Variants in SYCP1 observed in about 807,000 individuals in gnomAD.
The protein encoded by SYCP1 is cancer/testis antigen 8.
Under a neutral mutation model 153.1 loss-of-function variants are expected in SYCP1, and 64 were observed. The ratio of observed to expected loss-of-function variants is 0.42; its 90% confidence interval spans 0.34 to 0.51. The LOEUF is 0.51. SYCP1 is among the 20% of genes least tolerant of loss of function. SYCP1 has a pLI of 0.06. For synonymous variants in SYCP1, 384 were observed against 341.8 expected (o/e 1.12, Z -1.36); for missense variants, 997 against 1,049.0 (o/e 0.95, Z 0.68).
intron 11 of SYCP1, 131 bp downstream of exon 11, chr1:114,876,941 T>C (rs991128703): frequency 2.1e-5 from 8 of 388,170 alleles, no homozygotes; most frequent in African/African-American, 1.5e-4. Flanking sequence ...ATTATACATA[T>C]ATTAATATTT....
At chr1:114,979,762 G>A (rs1458719561) in intron 28 of SYCP1, among the ~76,000 whole-genome samples, 1 of 151,790 alleles carries the variant, frequency 6.6e-6, no homozygotes, top group Non-Finnish European at 1.5e-5. Context: ...AAAGATATAA[G>A]CCATCTCATT....
intron 27 of SYCP1, among the ~76,000 whole-genome samples, chr1:114,957,671 T>C (rs1327980948): frequency 6.6e-6 from 1 of 152,160 alleles, no homozygotes; most frequent in Non-Finnish European, 1.5e-5. Flanking sequence ...GAAACAGGTA[T>C]ATGAAAACAT....
intron 30 of SYCP1, among the ~76,000 whole-genome samples, chr1:114,985,929 AT>A (rs1205883509): frequency 1.3e-5 from 2 of 151,936 alleles, no homozygotes; most frequent in African/African-American, 4.8e-5. Context: ...AAAAAAATAA[AT>A]AACAATTCAG....
intron 12 of SYCP1, among the ~76,000 whole-genome samples, chr1:114,881,514 T>TCCTTCCTTCCTTCCTC (rs1370546610): frequency 6.7e-6 from 1 of 150,350 alleles, no homozygotes; most frequent in Non-Finnish European, 1.5e-5. Context: ...CTTCCTTCCT[T>TCCTTCCTTCCTTCCTC]CCTTCCTTCC....
chr1:114,951,619 G>A (rs547150438), intron 27 of SYCP1, among the ~76,000 whole-genome samples: 12 of 152,278 alleles, frequency 7.9e-5, no homozygotes, highest in African/African-American at 2.6e-4. Flanking sequence ...AGATTCACAT[G>A]CAGTTGTAAG....
At chr1:114,960,694 A>T (rs927452488) in intron 27 of SYCP1, among the ~76,000 whole-genome samples, 1 of 152,116 alleles carries the variant, frequency 6.6e-6, no homozygotes, top group Non-Finnish European at 1.5e-5. Context: ...CCTGTTTGCC[A>T]TTGGTATATC....
At chr1:114,952,563 A>T (rs1671176251) in intron 27 of SYCP1, among the ~76,000 whole-genome samples, 1 of 152,180 alleles carries the variant, frequency 6.6e-6, no homozygotes. Context: ...CATGTCCTTC[A>T]CATGGCAGCA....
At chr1:114,902,630 A>G (rs1413073297) in intron 16 of SYCP1, among the ~76,000 whole-genome samples, 1 of 150,262 alleles carries the variant, frequency 6.7e-6, no homozygotes, top group Non-Finnish European at 1.5e-5. Flanking sequence ...GGCTTATCGG[A>G]GGTTCTCCAG....
In SYCP1 at chr1:114,909,495, TACACACAC is replaced by T. The variant is rs57520899; in HGVS notation, c.1321-869_1321-862del. On this transcript the variant is annotated intron_variant, in intron 16 of 31. Transcript: ENST00000369522. ...TTCTTTCCCTCTCTCTCCCTTGCTGTACACACACACACACACACACACACACACACACA... is the reference window on the plus strand; with the variant it reads ...TTCTTTCCCTCTCTCTCCCTTGCTGTACACACACACACACACACACACACA... Among the ~76,000 whole-genome samples, 94 of 106,496 alleles carry T rather than the reference TACACACAC, an allele frequency of 8.8e-4. 1 individual carries two copies. Among genetic ancestry groups the T allele is most frequent in the Middle Eastern group, 4.5e-3 (1 of 224 alleles). The allele number at this position is 106,496 out of a possible 152,430, so 69.9% of individuals were successfully genotyped here.
chr1:114,977,730 T>A, intron 28 of SYCP1, 114 bp downstream of exon 28: 1 of 632,672 alleles, frequency 1.6e-6, no homozygotes, highest in Non-Finnish European at 2.5e-6. Flanking sequence ...TATCATACAA[T>A]TTCATTTTCT....
chr1:114,867,648 A>AT (rs766259505), intron 8 of SYCP1, among the ~76,000 whole-genome samples: 13 of 151,156 alleles, frequency 8.6e-5, no homozygotes, highest in East Asian at 1.9e-4. Context: ...TAGTTCCAGG[A>AT]TTTTTTTTTG....
chr1:114,910,322 C>T (rs1668095027), intron 16 of SYCP1, 75 bp from the exon 17 acceptor site: 3 of 983,320 alleles, frequency 3.1e-6, no homozygotes, highest in Non-Finnish European at 4.6e-6. Flanking sequence ...CTTTCCACAG[C>T]TCCATTTGGG....
chr1:114,950,851 GTCTCA>G, intron 27 of SYCP1, among the ~76,000 whole-genome samples: 2 of 41,152 alleles, frequency 4.9e-5, no homozygotes, highest in Non-Finnish European at 8.5e-5. Context: ...AGAGTCTCAC[GTCTCA>G]CTCTGTCTCC....
rs887664260 is a variant in SYCP1, at chr1:114,946,424, T to C, written c.2247+43T>C. Reference sequence around the variant, plus strand: ...TTGCAGTAACGGCCAGTTTTCATAATGTCAGCAGTGACTGGTGGTAAAGAA... The same window carrying C: ...TTGCAGTAACGGCCAGTTTTCATAACGTCAGCAGTGACTGGTGGTAAAGAA... On this transcript the variant is annotated intron_variant, in intron 26 of 31. Coordinates refer to ENST00000369522, the MANE Select transcript of SYCP1 (RefSeq NM_003176.4). The C allele has an allele frequency of 4.1e-6, 5 of 1,212,260 alleles. No individual in the cohort carries two copies. The African/African-American group carries it at 7.9e-5, about 19-fold the overall frequency. 75.1% of individuals were successfully genotyped at this position (1,212,260 alleles called of 1,614,324 possible). A position where few individuals can be genotyped will look rare whatever the true frequency, so the allele number is the denominator to read the frequency against.
intron 8 of SYCP1, among the ~76,000 whole-genome samples, chr1:114,873,825 G>C (rs745462307): frequency 1.3e-5 from 2 of 152,074 alleles, no homozygotes; most frequent in Non-Finnish European, 2.9e-5. Context: ...TCTGCCTTCT[G>C]GGTTCAAGCG....
At chr1:114,860,705 A>G (rs1444680580) in intron 7 of SYCP1, 31 bp from the exon 8 acceptor site, 5 of 1,505,890 alleles carry the variant, frequency 3.3e-6, no homozygotes, top group Non-Finnish European at 4.5e-6. Context: ...AGATCAGATT[A>G]CACACAGGCA....
chr1:114,977,744 T>A (rs1209231744), intron 28 of SYCP1, 128 bp downstream of exon 28: 2 of 616,114 alleles, frequency 3.2e-6, no homozygotes, highest in Non-Finnish European at 5.1e-6. Flanking sequence ...ATTTTCTAAA[T>A]TGTTTCTTGC....
intron 21 of SYCP1, among the ~76,000 whole-genome samples, chr1:114,924,474 T>C (rs1669122535): frequency 6.6e-6 from 1 of 152,120 alleles, no homozygotes; most frequent in African/African-American, 2.4e-5. Context: ...TATTAGAGTC[T>C]ATAGAAAGGA....
intron 14 of SYCP1, 85 bp from the exon 15 acceptor site, chr1:114,887,541 C>T (rs1207887531): frequency 2.6e-6 from 2 of 755,594 alleles, no homozygotes; most frequent in East Asian, 2.9e-5. Flanking sequence ...TAAGATATAT[C>T]AGTTGCTAAA....
Sources: gnomAD v4.1 joint callset for allele counts (sites outside exome capture counted in the v4.1 genomes callset) on GRCh38, gnomAD v4.1.1 for gene constraint, MANE v1.5 for transcripts, NCBI Gene and HGNC (gene_info 2026-07-23, HGNC 2026-07-21) for gene names.